The following SLC2A13 variants were observed in gnomAD, a reference collection of about 807,000 sequenced individuals.
SLC2A13 encodes proton myo-inositol cotransporter.
SLC2A13 carries 32 observed loss-of-function variants against 64.4 expected under a neutral mutation model. The observed-to-expected ratio is 0.50, with a 90% CI of 0.37 to 0.67. The LOEUF is 0.67. Among genes scored for constraint, SLC2A13 ranks in the 30% least tolerant of loss-of-function variants. SLC2A13 has a pLI of 0.00. For missense variants in SLC2A13, 743 were observed against 829.2 expected (o/e 0.90, Z 1.28); for synonymous variants, 338 against 327.1 (o/e 1.03, Z -0.36).
chr12:39,818,452 A>G (rs1046192213), intron 7 of SLC2A13, among the ~76,000 whole-genome samples: 3 of 152,226 alleles, frequency 2.0e-5, no homozygotes, highest in African/African-American at 7.2e-5. Context: ...TTACAATAGT[A>G]TCTGAGCTAG....
intron 6 of SLC2A13, among the ~76,000 whole-genome samples, chr12:39,843,606 G>A (rs1481420730): frequency 6.6e-6 from 1 of 152,070 alleles, no homozygotes; most frequent in South Asian, 2.1e-4. Context: ...GCCATACAAT[G>A]AGAGTATGAA....
intron 3 of SLC2A13, among the ~76,000 whole-genome samples, chr12:40,015,698 T>C (rs763404861): frequency 2.6e-5 from 4 of 152,186 alleles, no homozygotes; most frequent in African/African-American, 4.8e-5. Context: ...TTATTGTCTG[T>C]GTTCCTTCAT....
intron 7 of SLC2A13, among the ~76,000 whole-genome samples, chr12:39,784,191 C>T (rs946097727): frequency 6.6e-6 from 1 of 152,124 alleles, no homozygotes; most frequent in Admixed American, 6.5e-5. Context: ...ATCAAGCTAC[C>T]AATGACTTTC....
rs137882827 is a variant in SLC2A13, at chr12:40,074,882, T to C, written c.557-26672A>G. 2.2e-3 allele frequency among the ~76,000 whole-genome samples: 331 copies of C among 152,266 alleles called. 1 individual carries two copies. The highest frequency in any genetic ancestry group is 7.2e-3 in the African/African-American group (299 of 41,542). On this transcript the variant is annotated intron_variant, in intron 1 of 9. Transcript: ENST00000280871. ...AGGCTGTGCCTCTGGACTGGGAACT[T>C]CACAAGTGCTTCTCAGTTCTCTTCT... is the stretch of plus-strand genomic sequence containing the variant.
At chr12:40,058,176 T>A (rs987214964) in intron 1 of SLC2A13, among the ~76,000 whole-genome samples, 7 of 152,084 alleles carry the variant, frequency 4.6e-5, no homozygotes, top group Non-Finnish European at 5.9e-5. Context: ...GTTTTTAAGA[T>A]CTACAAACAA....
At chr12:39,943,973 T>C (rs1290814561) in intron 4 of SLC2A13, among the ~76,000 whole-genome samples, 2 of 151,720 alleles carry the variant, frequency 1.3e-5, no homozygotes, top group Non-Finnish European at 2.9e-5. Flanking sequence ...GACTTTGATG[T>C]AGGCATTTAG....
At chr12:39,853,786 C>G (rs1943531147) in intron 6 of SLC2A13, among the ~76,000 whole-genome samples, 1 of 152,098 alleles carries the variant, frequency 6.6e-6, no homozygotes, top group Non-Finnish European at 1.5e-5. Context: ...GTTTAGGAAT[C>G]TGTGCAGCAA....
intron 2 of SLC2A13, among the ~76,000 whole-genome samples, chr12:40,032,003 A>C (rs958004185): frequency 3.3e-5 from 5 of 152,128 alleles, no homozygotes; most frequent in Admixed American, 2.6e-4. Context: ...AGATCTCATT[A>C]TTCTAAATTA....
chr12:39,937,731 T>C (rs114465914), intron 4 of SLC2A13, among the ~76,000 whole-genome samples: 1 of 152,178 alleles, frequency 6.6e-6, no homozygotes, highest in Non-Finnish European at 1.5e-5. Flanking sequence ...TCAGGAAGCA[T>C]GACAAAAGGA....
At chr12:39,857,111 G>A (rs1332822829) in intron 6 of SLC2A13, among the ~76,000 whole-genome samples, 3 of 152,292 alleles carry the variant, frequency 2.0e-5, no homozygotes, top group Middle Eastern at 3.4e-3. Context: ...AAGTCCCATG[G>A]ATTATCAGAG....
chr12:40,088,198 G>A (rs1295241939), intron 1 of SLC2A13, among the ~76,000 whole-genome samples: 1 of 152,122 alleles, frequency 6.6e-6, no homozygotes, highest in East Asian at 1.9e-4. Context: ...AAGACACTAA[G>A]TACAAAAGTA....
intron 9 of SLC2A13, among the ~76,000 whole-genome samples, chr12:39,761,119 A>G (rs1015258511): frequency 6.6e-6 from 1 of 151,980 alleles, no homozygotes; most frequent in African/African-American, 2.4e-5. Context: ...AAGATGAAAA[A>G]CTAATGTGAC....
intron 6 of SLC2A13, among the ~76,000 whole-genome samples, chr12:39,833,703 C>A (rs1942923954): frequency 6.6e-6 from 1 of 151,988 alleles, no homozygotes; most frequent in Admixed American, 6.6e-5. Flanking sequence ...GAAACTTTTC[C>A]TGTCCCCAAT....
intron 4 of SLC2A13, 107 bp downstream of exon 4, chr12:39,951,150 C>A: frequency 1.1e-6 from 1 of 892,944 alleles, no homozygotes; most frequent in South Asian, 2.3e-5. Flanking sequence ...TACATTTAAT[C>A]AGAACAAATC....
At chr12:39,962,054 G>A (rs187282447) in intron 3 of SLC2A13, among the ~76,000 whole-genome samples, 1 of 152,286 alleles carries the variant, frequency 6.6e-6, no homozygotes, top group East Asian at 1.9e-4. Flanking sequence ...ATGGAGATGA[G>A]CGTTACACAG....
chr12:39,797,135 T>C (rs938067026), intron 7 of SLC2A13, among the ~76,000 whole-genome samples: 6 of 152,334 alleles, frequency 3.9e-5, no homozygotes, highest in African/African-American at 1.4e-4. Flanking sequence ...ATTCATTTTG[T>C]TATTTGTAAA....
intron 7 of SLC2A13, among the ~76,000 whole-genome samples, chr12:39,810,625 T>G (rs1293701915): frequency 1.3e-5 from 2 of 152,182 alleles, no homozygotes; most frequent in Non-Finnish European, 2.9e-5. Context: ...AGAGATGTTA[T>G]GTATCAGGTC....
intron 1 of SLC2A13, among the ~76,000 whole-genome samples, chr12:40,073,926 A>G (rs1298760141): frequency 6.6e-6 from 1 of 152,014 alleles, no homozygotes; most frequent in Non-Finnish European, 1.5e-5. Flanking sequence ...TGGCTGGGAA[A>G]TGCTCAGTCA....
At chr12:39,977,783 T>C (rs1946790974) in intron 3 of SLC2A13, among the ~76,000 whole-genome samples, 1 of 152,208 alleles carries the variant, frequency 6.6e-6, no homozygotes, top group African/African-American at 2.4e-5. Context: ...TTCAGTTGAG[T>C]GAAAGCATTT....
Sources: allele counts gnomAD v4.1 joint callset (sites outside exome capture counted in the v4.1 genomes callset), GRCh38; gene constraint gnomAD v4.1.1; transcripts MANE v1.5; gene names NCBI Gene and HGNC (gene_info 2026-07-23, HGNC 2026-07-21).